Variants in GOLGA8H observed in about 807,000 individuals in gnomAD.
GOLGA8H encodes the protein golgin A8 family member H.
In GOLGA8H, 47 loss-of-function variants were observed where a neutral mutation model predicts 82.7. That is an observed-to-expected ratio of 0.57 (90% CI 0.45 to 0.73). The LOEUF (loss-of-function observed/expected upper bound fraction) is 0.73, where lower values mean the gene tolerates loss of function less well. Among genes scored for constraint, GOLGA8H ranks in the 30% least tolerant of loss-of-function variants. The pLI, the probability that GOLGA8H is intolerant of heterozygous loss-of-function variation, is 0.00. For synonymous variants in GOLGA8H, 108 were observed against 241.6 expected (o/e 0.45, Z 5.13); for missense variants, 372 against 661.0 (o/e 0.56, Z 4.79).
chr15:30,605,742 A>C (rs2059913859), intron 1 of GOLGA8H, 101 bp from the exon 2 acceptor site: 4 of 1,539,912 alleles, frequency 2.6e-6, no homozygotes, highest in Non-Finnish European at 3.5e-6. Flanking sequence ...GGTGTCATTA[A>C]ATCAGATGGT....
In GOLGA8H at chr15:30,616,146, T is replaced by A. The variant is rs1189008690; in HGVS notation, c.*1585T>A. On this transcript the variant is annotated 3_prime_UTR_variant, in exon 19 of 19. Coordinates refer to ENST00000566740, the MANE Select transcript of GOLGA8H (RefSeq NM_001282490.2). The stretch of plus-strand genomic sequence containing the variant: ...ATGATGAATGAATGCATTTCAGTTG[T>A]ATATTGCCTAAATCGTAACTTGATG... Among the ~76,000 whole-genome samples, 1 of 152,028 alleles carries A rather than the reference T, an allele frequency of 6.6e-6. No individual in the cohort carries two copies. Among genetic ancestry groups the A allele is most frequent in the Non-Finnish European group, 1.5e-5 (1 of 67,996 alleles).
At position 30,608,534 on chromosome 15, in the gene GOLGA8H, C is replaced by T; in HGVS notation, c.464C>T (p.Ser155Phe). The T allele has an allele frequency of 4.3e-6, 7 of 1,610,516 alleles. No homozygotes were observed. Among genetic ancestry groups the T allele is most frequent in the Non-Finnish European group, 5.9e-6 (7 of 1,179,586 alleles). ...LNTDLYHMKR[S>F]LRYFEEKSKD... The stretch of plus-strand genomic sequence containing the variant: ...ACGGACCTGTACCACATGAAACGTT[C>T]TCTCAGATACTTTGAAGGTGGGAAT... Residue 155 changes from serine to phenylalanine, a missense_variant, in exon 7 of 19, where the codon TCT becomes TTT. Physicochemically the swap from Ser to Phe is radical, Grantham distance 155. Transcript: ENST00000566740.
rs1567484566 is a variant in GOLGA8H at position 30,608,355 on chromosome 15, C to G, written c.373C>G (p.Gln125Glu). The G allele has an allele frequency of 1.9e-6, 3 of 1,583,738 alleles. No homozygotes were observed. The South Asian group carries it at 3.4e-5, about 18-fold the overall frequency. The change falls in exon 6 of 19, where the codon CAG becomes GAG. Residue 125 changes from glutamine to glutamate, a missense_variant. Coordinates refer to ENST00000566740, the MANE Select transcript of GOLGA8H (RefSeq NM_001282490.2). ...GGAAAAGAAAGCAAACAACAAGAAA[C>G]AGAAAGCCAAAAGGGTGCTAGAGGT... is the stretch of plus-strand genomic sequence containing the variant. ...EEEKKANNKKQKAKRVLEVQI... is the reference protein window; with the variant it reads ...EEEKKANNKKEKAKRVLEVQI...
chr15:30,609,640 G>C (rs28374319), intron 8 of GOLGA8H, among the ~76,000 whole-genome samples, 166 bp from the exon 9 acceptor site: 1 of 151,568 alleles, frequency 6.6e-6, no homozygotes, highest in Non-Finnish European at 1.5e-5. Context: ...TTCCCTGTCC[G>C]TTCCAACTTT....
Position 30,615,216 on chromosome 15 carries a change from C to T in GOLGA8H, c.*655C>T, listed in dbSNP as rs1567496673. ...TCTCACAGAAGAGGAAAGTGGCCTC[C>T]TCTGGCAGGTACGTGCAGGATAGAG... is the stretch of plus-strand genomic sequence containing the variant. On this transcript the variant is annotated 3_prime_UTR_variant, in exon 19 of 19. Transcript: ENST00000566740. Among the ~76,000 whole-genome samples the T allele has an allele frequency of 1.3e-5, 2 of 151,856 alleles. No individual in the cohort carries two copies. The highest frequency in any genetic ancestry group is 2.9e-5 in the Non-Finnish European group (2 of 67,962).
Position 30,608,473 on chromosome 15 carries a change from A to C in GOLGA8H, c.403A>C (p.Ile135Leu). The change falls in exon 7 of 19, where the codon ATC becomes CTC. Residue 135 changes from isoleucine (I) to leucine (L), a missense_variant. Ile to Leu is a conservative substitution (Grantham distance 5). Transcript: ENST00000566740. ...QKAKRVLEVQ[I>L]QTLNIQKGKL... ...CTTGGCTTTTCTCCCAAAGGTTCAA[A>C]TCCAGACATTGAACATACAGAAAGG... 6.2e-7 allele frequency: 1 copy of C among 1,610,472 alleles called. No homozygotes were observed. Among genetic ancestry groups the C allele is most frequent in the Non-Finnish European group, 8.5e-7 (1 of 1,179,556 alleles).
rs1485730884 is a variant in GOLGA8H, at chr15:30,609,979, T to C, written c.679-20T>C. On this transcript the variant is annotated intron_variant, in intron 9 of 18. Coordinates refer to ENST00000566740, the MANE Select transcript of GOLGA8H (RefSeq NM_001282490.2). The stretch of plus-strand genomic sequence containing the variant: ...AGGACCAGTGACAGCCCTTCCTAAG[T>C]TCTGTGCCCATTCTTGCAGTTGAAG... 11 of 1,609,646 alleles carry C rather than the reference T, an allele frequency of 6.8e-6. No homozygotes were observed. The African/African-American group carries it at 1.3e-4, about 20-fold the overall frequency.
In GOLGA8H at chr15:30,613,157, C is replaced by A. The variant is rs1410478407; in HGVS notation, c.1330C>A (p.Pro444Thr). 8.7e-7 allele frequency: 1 copy of A among 1,151,140 alleles called. No homozygotes were observed. Among genetic ancestry groups the A allele is most frequent in the East Asian group, 2.4e-5 (1 of 41,076 alleles). 71.3% of individuals were successfully genotyped at this position (1,151,140 alleles called of 1,614,324 possible). The change falls in exon 15 of 19, where the codon CCG (proline) becomes ACG (threonine). Residue 444 changes from proline to threonine, a missense_variant. Pro to Thr is a conservative substitution (Grantham distance 38). Coordinates refer to ENST00000566740, the MANE Select transcript of GOLGA8H (RefSeq NM_001282490.2). ...GGGGGAGGAGGCACCTCGGCCCATG[C>A]CGAGTGTCCCAGAGGACCCGGAGAG... ...SEGEEAPRPM[P>T]SVPEDPESRE... is the part of the protein sequence containing the mutation.
chr15:30,613,037 G>T lies in GOLGA8H; in HGVS notation c.1277-67G>T, dbSNP rs1482568267. The T allele has an allele frequency of 8.2e-6, 8 of 977,374 alleles. 1 individual carries two copies. The highest frequency in any genetic ancestry group is 3.2e-4 in the Middle Eastern group (1 of 3,130). 60.5% of individuals were successfully genotyped at this position (977,374 alleles called of 1,614,324 possible). ...TCAGGGTTACACAGTGAGGGTGGAG[G>T]TAGAGGTGGGCCCACAGTTCCTCCC... On this transcript the variant is annotated intron_variant, in intron 14 of 18. Coordinates refer to ENST00000566740, the MANE Select transcript of GOLGA8H (RefSeq NM_001282490.2).
At position 30,616,856 on chromosome 15, in the gene GOLGA8H, C is replaced by A. The variant is rs1462245259; in HGVS notation, c.*2295C>A. 2.0e-5 allele frequency: 3 copies of A among 151,146 alleles called. No individual in the cohort carries two copies. The highest frequency in any genetic ancestry group is 4.4e-5 in the Non-Finnish European group (3 of 67,902). 9.4% of individuals were successfully genotyped at this position (151,146 alleles called of 1,614,324 possible). On this transcript the variant is annotated 3_prime_UTR_variant, in exon 19 of 19. Transcript: ENST00000566740. ...TGATAAATATCAGTGACTAGAATGA[C>A]CTTCGGATAGTGTTTAGCATCTGTA...
intron 2 of GOLGA8H, among the ~76,000 whole-genome samples, chr15:30,606,476 G>A (rs900842962): frequency 6.6e-6 from 1 of 151,362 alleles, no homozygotes; most frequent in African/African-American, 2.4e-5. Flanking sequence ...GTATAATAGA[G>A]GTGATATTGT....
chr15:30,606,270 G>A (rs1423581963), intron 2 of GOLGA8H, among the ~76,000 whole-genome samples: 1 of 151,398 alleles, frequency 6.6e-6, no homozygotes, highest in South Asian at 2.1e-4. Context: ...CAAGAGAATG[G>A]TGTGAACCTG....
intron 1 of GOLGA8H, among the ~76,000 whole-genome samples, chr15:30,605,002 G>A (rs1055967395): frequency 1.3e-5 from 2 of 150,392 alleles, no homozygotes; most frequent in Admixed American, 6.6e-5. Context: ...GAGAGAATGG[G>A]TTTGATTTGG....
At position 30,615,948 on chromosome 15, in the gene GOLGA8H, C is replaced by G. The variant is rs1287456639; in HGVS notation, c.*1387C>G. On this transcript the variant is annotated 3_prime_UTR_variant, in exon 19 of 19. Coordinates refer to ENST00000566740, the MANE Select transcript of GOLGA8H (RefSeq NM_001282490.2). ...TTATGAAACTTAAAATGTGTACAAA[C>G]TGCAGTGCAATCTACTGTTCGTGAA... is the stretch of plus-strand genomic sequence containing the variant. Among the ~76,000 whole-genome samples, 4 of 151,304 alleles carry G rather than the reference C, an allele frequency of 2.6e-5. No homozygotes were observed. Among genetic ancestry groups the G allele is most frequent in the African/African-American group, 9.7e-5 (4 of 41,102 alleles).
chr15:30,605,295 GA>G (rs1438320528), intron 1 of GOLGA8H, among the ~76,000 whole-genome samples: 1 of 149,534 alleles, frequency 6.7e-6, no homozygotes, highest in Non-Finnish European at 1.5e-5. Context: ...GAGATCAAGA[GA>G]AAAAACATGA....
At chr15:30,609,111 G>A (rs991028041) in intron 8 of GOLGA8H, among the ~76,000 whole-genome samples, 6 of 91,470 alleles carry the variant, frequency 6.6e-5, no homozygotes, top group Admixed American at 3.8e-4. Context: ...AAGAGGAAAC[G>A]TGTGTGCGTG....
In GOLGA8H at chr15:30,617,570, A is replaced by G. The variant is rs532724484; in HGVS notation, c.*3009A>G. 171 of 151,672 alleles carry G rather than the reference A, an allele frequency of 1.1e-3. No homozygotes were observed. The highest frequency in any genetic ancestry group is 4.1e-3 in the African/African-American group (168 of 41,330). 9.4% of individuals were successfully genotyped at this position (151,672 alleles called of 1,614,324 possible). ...AATGGTGGGAACGAAAAGCAGAGAA[A>G]GAAATGCCAATTCCAGTCCAAAGTT... On this transcript the variant is annotated 3_prime_UTR_variant, in exon 19 of 19. Transcript: ENST00000566740.
chr15:30,608,973 G>A (rs1292942133), intron 8 of GOLGA8H, among the ~76,000 whole-genome samples: 1 of 118,122 alleles, frequency 8.5e-6, no homozygotes, highest in African/African-American at 3.5e-5. Flanking sequence ...TGGACGCAGA[G>A]CTTGGAGGCC....
chr15:30,607,817 C>A, intron 4 of GOLGA8H: 1 of 592,886 alleles, frequency 1.7e-6, no homozygotes. Flanking sequence ...ATTCCAGATT[C>A]AGACTTTGAG....
Sources: allele counts gnomAD v4.1 joint callset (sites outside exome capture counted in the v4.1 genomes callset), GRCh38; gene constraint gnomAD v4.1.1; transcripts MANE v1.5; gene names NCBI Gene and HGNC (gene_info 2026-07-23, HGNC 2026-07-21).